KDM2B: variants seen among roughly 807,000 people sequenced by gnomAD.
KDM2B encodes the protein lysine-specific demethylase 2B.
KDM2B carries 26 observed loss-of-function variants against 150.0 expected under a neutral mutation model. That is an observed-to-expected ratio of 0.17 (90% confidence interval 0.13 to 0.24). The LOEUF (loss-of-function observed/expected upper bound fraction) is 0.24, where lower values mean the gene tolerates loss of function less well. KDM2B is among the 10% of genes least tolerant of loss of function. KDM2B has a pLI of 1.00. For missense variants in KDM2B, 1,265 were observed against 1,816.9 expected (o/e 0.70, Z 5.52); for synonymous variants, 734 against 729.5 (o/e 1.01, Z -0.10).
intron 8 of KDM2B, chr12:121,524,764 C>T (rs1268597338): frequency 1.4e-5 from 6 of 432,958 alleles, no homozygotes; most frequent in African/African-American, 8.2e-5. Flanking sequence ...TGGCATCTGC[C>T]TCCTGCTTCC....
At chr12:121,524,199 C>T (rs1165734078) in intron 8 of KDM2B, among the ~76,000 whole-genome samples, 1 of 152,188 alleles carries the variant, frequency 6.6e-6, no homozygotes. Flanking sequence ...ATCCTGTCCC[C>T]TCCACTCCCC....
In KDM2B at chr12:121,429,915, A is replaced by G. The variant is rs143562732; in HGVS notation, c.*373T>C. On this transcript the variant is annotated 3_prime_UTR_variant, in exon 23 of 23. Coordinates refer to ENST00000377071, the MANE Select transcript of KDM2B (RefSeq NM_032590.5). Reference sequence around the variant, plus strand: ...TGTGGTCCACTTTATGTCAACACCCAAAACCTCGGTGTTGCAAGGAATGAA... The same window carrying G: ...TGTGGTCCACTTTATGTCAACACCCGAAACCTCGGTGTTGCAAGGAATGAA... The G allele has an allele frequency of 3.1e-4, 189 of 616,494 alleles. 1 individual carries two copies. The African/African-American group carries it at 3.1e-3, about 10-fold the overall frequency. 38.2% of individuals were successfully genotyped at this position (616,494 alleles called of 1,614,324 possible).
intron 9 of KDM2B, among the ~76,000 whole-genome samples, chr12:121,514,461 T>C (rs1555304549): frequency 6.6e-6 from 1 of 151,232 alleles, no homozygotes; most frequent in African/African-American, 2.4e-5. Context: ...CACCGAAAGA[T>C]GGGAAGGAAA....
intron 6 of KDM2B, among the ~76,000 whole-genome samples, chr12:121,547,897 T>G (rs551063832): frequency 1.0e-3 from 158 of 152,088 alleles, no homozygotes; most frequent in South Asian, 2.1e-3. Flanking sequence ...CGCCTCAGCC[T>G]CCCAAAGTGC....
At chr12:121,427,685 C>A (rs1157920440), downstream of KDM2B, among the ~76,000 whole-genome samples, 2 of 151,922 alleles carry the variant, frequency 1.3e-5, no homozygotes, top group Admixed American at 6.6e-5. Context: ...TCTGCTGTGT[C>A]TCTGCTGTAT....
intron 12 of KDM2B, among the ~76,000 whole-genome samples, chr12:121,459,061 G>C (rs1175379016): frequency 6.7e-6 from 1 of 148,398 alleles, no homozygotes; most frequent in Non-Finnish European, 1.5e-5. Context: ...ACTCCAGCCT[G>C]GCAACAGAGC....
At chr12:121,543,297 A>G (rs1271337898) in intron 6 of KDM2B, among the ~76,000 whole-genome samples, 3 of 152,196 alleles carry the variant, frequency 2.0e-5, no homozygotes, top group Non-Finnish European at 4.4e-5. Context: ...TGGAGGTTAC[A>G]GTAAGCTGAG....
chr12:121,580,692 A>T, intron 1 of KDM2B, 94 bp downstream of exon 1: 2 of 1,053,890 alleles, frequency 1.9e-6, no homozygotes, highest in Non-Finnish European at 2.6e-6. Context: ...GGGGCCTGGC[A>T]CCCCCAAAAA....
chr12:121,568,016 A>G (rs1485611071), intron 4 of KDM2B, among the ~76,000 whole-genome samples: 3 of 152,098 alleles, frequency 2.0e-5, no homozygotes, highest in Non-Finnish European at 4.4e-5. Context: ...GGCGTGAGCC[A>G]CTGCGCCCAG....
chr12:121,445,451 A>C (rs1555290028), intron 13 of KDM2B, 33 bp from the exon 14 acceptor site: 1 of 1,555,256 alleles, frequency 6.4e-7, no homozygotes, highest in Admixed American at 1.9e-5. Context: ...ACAAGTCATC[A>C]GGGGTGGGGA....
At chr12:121,421,381 A>AAG in the KDM2B span, among the ~76,000 whole-genome samples, 1 of 144,510 alleles carries the variant, frequency 6.9e-6, no homozygotes, top group East Asian at 2.0e-4. Context: ...TAAAAAAAAA[A>AAG]AAAAAAAAAA....
intron 1 of KDM2B, chr12:121,580,109 C>A: frequency 1.9e-6 from 3 of 1,577,528 alleles, no homozygotes; most frequent in Admixed American, 2.1e-5. Flanking sequence ...GCATTTTGGC[C>A]GAGGGGGGAA....
At chr12:121,423,421 G>A in the KDM2B span, 24 of 1,611,454 alleles carry the variant, frequency 1.5e-5, no homozygotes, top group South Asian at 2.2e-5. This position sits in a 1 kb window ranked among gnomAD's most constrained non-coding sequence, Gnocchi z 4.3. Context: ...TGAGGAAGAC[G>A]ACAGCCTGTG....
rs782364201 is a variant in KDM2B, at chr12:121,444,107, G to T, written c.2356C>A (p.Pro786Thr). 6.2e-7 allele frequency: 1 copy of T among 1,613,594 alleles called. No individual in the cohort carries two copies. The highest frequency in any genetic ancestry group is 8.5e-7 in the Non-Finnish European group (1 of 1,180,040). ...TTTCTGCGCAGAAGGCCGTCCGGCG[G>T]CACCTTCTTCGAGTGCTCATCCGAC... Reference protein sequence around the residue: ...RRSDEHSKKVPPDGLLRRKSD... With the variant: ...RRSDEHSKKVTPDGLLRRKSD... The change falls in exon 16 of 23, where the codon CCG (proline) becomes ACG (threonine). Residue 786 changes from proline to threonine, a missense_variant. Physicochemically the swap from Pro to Thr is conservative, Grantham distance 38. This residue lies in a region of KDM2B where 418 missense variants were observed against 402.4 expected (regional missense o/e 1.04). Transcript: ENST00000377071.
intron 4 of KDM2B, among the ~76,000 whole-genome samples, chr12:121,559,650 C>T (rs557582346): frequency 1.3e-5 from 2 of 152,218 alleles, no homozygotes; most frequent in East Asian, 3.9e-4. Context: ...CCTGTAATCC[C>T]AGCACTTTGG....
chr12:121,581,462 G>A (rs1555318073), upstream of KDM2B, among the ~76,000 whole-genome samples: 1 of 152,190 alleles, frequency 6.6e-6, no homozygotes, highest in African/African-American at 2.4e-5. Flanking sequence ...CCCAGCACTG[G>A]TCCTGGGTTG....
At chr12:121,503,029 G>A (rs1884734102) in intron 11 of KDM2B, among the ~76,000 whole-genome samples, 2 of 150,344 alleles carry the variant, frequency 1.3e-5, no homozygotes, top group African/African-American at 2.4e-5. Context: ...CCAGGCTAGG[G>A]TGCAATGGCG....
chr12:121,494,532 G>C, intron 12 of KDM2B, 47 bp downstream of exon 12: 1 of 1,475,042 alleles, frequency 6.8e-7, no homozygotes, highest in Non-Finnish European at 9.4e-7. Flanking sequence ...CAGGAGGTGG[G>C]AAGGAGGTGG....
At chr12:121,420,929 G>A in the KDM2B span, 1 of 633,670 alleles carries the variant, frequency 1.6e-6, no homozygotes, top group Admixed American at 2.8e-5. Context: ...CCTGTTTATA[G>A]ATCTGGAAAG....
Sources: allele counts gnomAD v4.1 joint callset (sites outside exome capture counted in the v4.1 genomes callset), GRCh38; gene constraint gnomAD v4.1.1; regional missense constraint gnomAD v4.1.1; non-coding constraint Gnocchi (gnomAD v3.1); transcripts MANE v1.5; gene names NCBI Gene and HGNC (gene_info 2026-07-23, HGNC 2026-07-21).